Variants in CWF19L2 observed in about 807,000 individuals in gnomAD.
CWF19L2 encodes the protein CWF19 like cell cycle control factor 2.
In CWF19L2, 98 loss-of-function variants were observed where a neutral mutation model predicts 111.7. The observed-to-expected ratio is 0.88, with a 90% CI of 0.75 to 1.04. The LOEUF is 1.04. Among genes scored for constraint, CWF19L2 ranks in the 50% least tolerant of loss-of-function variants. The probability of loss-of-function intolerance (pLI) is 0.00; values close to 1 mark genes in which losing one functional copy is unlikely to be tolerated. For missense variants in CWF19L2, 1,101 were observed against 1,051.4 expected, an observed-to-expected ratio of 1.05 and a Z score of -0.65; for synonymous variants, 351 against 342.9, an observed-to-expected ratio of 1.02 and a Z score of -0.26.
intron 4 of CWF19L2, among the ~76,000 whole-genome samples, chr11:107,442,082 ACTCCACT>A (rs1861626022): frequency 6.6e-6 from 1 of 152,004 alleles, no homozygotes; most frequent in African/African-American, 2.4e-5. Context: ...CTGTGATGGA[ACTCCACT>A]CACTATAGAA....
chr11:107,382,643 T>C (rs1860705769), intron 12 of CWF19L2, among the ~76,000 whole-genome samples: 1 of 152,200 alleles, frequency 6.6e-6, no homozygotes, highest in South Asian at 2.1e-4. Context: ...GTAAGAAAAT[T>C]AGACCAACAT....
intron 10 of CWF19L2, among the ~76,000 whole-genome samples, chr11:107,411,421 C>T (rs911947848): frequency 2.0e-5 from 3 of 152,036 alleles, no homozygotes; most frequent in South Asian, 2.1e-4. Context: ...ATGGCACTCA[C>T]GTTCATTTAT....
chr11:107,448,891 T>G (rs888904787), intron 3 of CWF19L2, among the ~76,000 whole-genome samples: 3 of 152,286 alleles, frequency 2.0e-5, no homozygotes, highest in African/African-American at 7.2e-5. Context: ...TTCTGTCATT[T>G]ATAATCCACC....
intron 12 of CWF19L2, among the ~76,000 whole-genome samples, chr11:107,363,003 G>C (rs1860380210): frequency 6.6e-6 from 1 of 152,094 alleles, no homozygotes; most frequent in Non-Finnish European, 1.5e-5. Flanking sequence ...TGAAAACCAA[G>C]GCTCGAGAAC....
intron 4 of CWF19L2, among the ~76,000 whole-genome samples, chr11:107,442,734 GA>G (rs1861636940): frequency 1.0e-5 from 1 of 97,182 alleles, no homozygotes; most frequent in Admixed American, 1.2e-4. Flanking sequence ...GAGAAAGAAA[GA>G]AAGGAAGGAA....
intron 6 of CWF19L2, among the ~76,000 whole-genome samples, chr11:107,437,370 A>G (rs546616342): frequency 4.6e-5 from 7 of 152,316 alleles, no homozygotes; most frequent in Non-Finnish European, 8.8e-5. Flanking sequence ...TCCAAAGTCT[A>G]GTCCTTTAAC....
chr11:107,408,066 T>A (rs1366947718), intron 10 of CWF19L2, among the ~76,000 whole-genome samples: 1 of 151,928 alleles, frequency 6.6e-6, no homozygotes, highest in Non-Finnish European at 1.5e-5. Context: ...GGTAACAGGA[T>A]CCCAAAATAA....
intron 12 of CWF19L2, among the ~76,000 whole-genome samples, chr11:107,370,963 T>C (rs1860499169): frequency 7.3e-6 from 1 of 136,962 alleles, no homozygotes; most frequent in Admixed American, 7.2e-5. Context: ...CAAAAATTAT[T>C]CTTTTTCGAG....
At chr11:107,378,671 G>A (rs1310931877) in intron 12 of CWF19L2, among the ~76,000 whole-genome samples, 1 of 152,164 alleles carries the variant, frequency 6.6e-6, no homozygotes, top group Non-Finnish European at 1.5e-5. Context: ...AATGCTAGAT[G>A]ACGAGTTAGT....
chr11:107,427,349 G>A (rs1861392812), intron 8 of CWF19L2, among the ~76,000 whole-genome samples: 1 of 151,842 alleles, frequency 6.6e-6, no homozygotes, highest in Admixed American at 6.6e-5. Context: ...GTCTTCAAAG[G>A]AAAAATTACA....
intron 10 of CWF19L2, among the ~76,000 whole-genome samples, chr11:107,407,608 T>C (rs530471595): frequency 4.7e-5 from 7 of 147,874 alleles, no homozygotes; most frequent in Non-Finnish European, 9.0e-5. Context: ...TTTGAGGGAA[T>C]AGAAGCAAAC....
In CWF19L2 at chr11:107,418,324, T is replaced by C. The variant is rs373653164; in HGVS notation, c.1434-37A>G. 1.0e-4 allele frequency: 134 copies of C among 1,331,610 alleles called. No individual in the cohort carries two copies. The African/African-American group carries it at 1.5e-3, about 14-fold the overall frequency. 82.5% of individuals were successfully genotyped at this position (1,331,610 alleles called of 1,614,324 possible). A position where few individuals can be genotyped will look rare whatever the true frequency, so the allele number is the denominator to read the frequency against. ...GGAAAGATTAACAGCATATGAAATATAGGTGCGATGCAAGCAATAACATCA... is the reference window on the plus strand; with the variant it reads ...GGAAAGATTAACAGCATATGAAATACAGGTGCGATGCAAGCAATAACATCA... On this transcript the variant is annotated intron_variant, in intron 8 of 17. Transcript: ENST00000282251.
At chr11:107,444,416 C>T (rs1372374249) in intron 3 of CWF19L2, among the ~76,000 whole-genome samples, 4 of 152,156 alleles carry the variant, frequency 2.6e-5, no homozygotes, top group Non-Finnish European at 5.9e-5. Context: ...TTCCTGGCTT[C>T]CATGACACCT....
chr11:107,416,352 G>T, intron 9 of CWF19L2, 54 bp from the exon 10 acceptor site: 2 of 749,218 alleles, frequency 2.7e-6, no homozygotes, highest in South Asian at 2.4e-5. Context: ...AATTCTTTAC[G>T]ACAAAATGTT....
At chr11:107,445,608 A>C (rs1861691037) in intron 3 of CWF19L2, among the ~76,000 whole-genome samples, 1 of 151,252 alleles carries the variant, frequency 6.6e-6, no homozygotes, top group Admixed American at 6.6e-5. Flanking sequence ...CCGCCTTAAA[A>C]AAAAAAAAAA....
chr11:107,438,288 T>C (rs1454204691), intron 6 of CWF19L2, among the ~76,000 whole-genome samples: 1 of 152,226 alleles, frequency 6.6e-6, no homozygotes, highest in Non-Finnish European at 1.5e-5. Flanking sequence ...TTAATGGGAA[T>C]ATAAGTAATT....
intron 6 of CWF19L2, among the ~76,000 whole-genome samples, chr11:107,434,672 CAAAAAA>C (rs71044301): frequency 3.4e-4 from 39 of 115,822 alleles, no homozygotes; most frequent in African/African-American, 1.1e-3. Flanking sequence ...TATTACACAG[CAAAAAA>C]AAAAAAAAAA....
intron 3 of CWF19L2, among the ~76,000 whole-genome samples, chr11:107,447,484 T>C (rs1861717112): frequency 1.3e-5 from 2 of 152,124 alleles, no homozygotes; most frequent in African/African-American, 4.8e-5. Context: ...TGGAAGACAT[T>C]CTAGTTCCTC....
intron 8 of CWF19L2, 120 bp from the exon 9 acceptor site, chr11:107,418,407 A>G: frequency 1.5e-6 from 1 of 687,416 alleles, no homozygotes; most frequent in Non-Finnish European, 2.7e-6. Context: ...ATAGCAGATC[A>G]TGATTGTAAT....
Sources: allele counts gnomAD v4.1 joint callset (sites outside exome capture counted in the v4.1 genomes callset), GRCh38; gene constraint gnomAD v4.1.1; transcripts MANE v1.5; gene names NCBI Gene and HGNC (gene_info 2026-07-23, HGNC 2026-07-21).